Variants in CNTD1 observed in about 807,000 individuals in gnomAD.
CNTD1 encodes the protein cyclin N-terminal domain containing 1.
In CNTD1, 17 loss-of-function variants were observed where a neutral mutation model predicts 36.3. The observed-to-expected ratio is 0.47, with a 90% CI of 0.32 to 0.70. The LOEUF (loss-of-function observed/expected upper bound fraction) is 0.70. Ranked by LOEUF, CNTD1 falls within the 30% of genes least tolerant of loss-of-function variation. The probability of loss-of-function intolerance (pLI) is 0.03; values close to 1 mark genes in which losing one functional copy is unlikely to be tolerated. For synonymous variants in CNTD1, 128 were observed against 153.3 expected, an observed-to-expected ratio of 0.83 and a Z score of 1.22; for missense variants, 338 against 386.1, an observed-to-expected ratio of 0.88 and a Z score of 1.04.
intron 3 of CNTD1, among the ~76,000 whole-genome samples, chr17:42,804,991 G>A (rs1022516833): frequency 6.6e-6 from 1 of 152,020 alleles, no homozygotes; most frequent in African/African-American, 2.4e-5. Context: ...ATAGCCTGAA[G>A]TTCTGTTCCC....
At chr17:42,807,909 C>T (rs1413994833) in intron 6 of CNTD1, 45 bp downstream of exon 6, 1 of 1,417,082 alleles carries the variant, frequency 7.1e-7, no homozygotes, top group Non-Finnish European at 1.0e-6. Flanking sequence ...ATTCATTTAA[C>T]AGAAAGCATT....
intron 3 of CNTD1, 88 bp downstream of exon 3, chr17:42,804,484 A>G: frequency 9.2e-7 from 1 of 1,089,228 alleles, no homozygotes; most frequent in Non-Finnish European, 1.3e-6. Flanking sequence ...GCTTCAAGTC[A>G]GTGACAAGAA....
Position 42,799,110 on chromosome 17 carries a change from T to A in CNTD1, c.43T>A (p.Phe15Ile), listed in dbSNP as rs758586396. 1 of 1,613,992 alleles carries A rather than the reference T, an allele frequency of 6.2e-7. No homozygotes were observed. The change falls in exon 1 of 7, where the codon TTT becomes ATT. Residue 15 changes from phenylalanine to isoleucine, a missense_variant. Physicochemically the swap from Phe to Ile is conservative, Grantham distance 21 (BLOSUM62 0). Transcript: ENST00000588408. ...MRPRSASLVD[F>I]QFGVVATETI... ...GCCACGATCGGCCTCCCTCGTTGAC[T>A]TTCAGTTTGGAGTTGTCGCCACAGA...
chr17:42,809,313 TA>T, intron 6 of CNTD1, 51 bp from the exon 7 acceptor site: 1 of 1,509,302 alleles, frequency 6.6e-7, no homozygotes, highest in Non-Finnish European at 9.1e-7. Flanking sequence ...GTTTGTGCAC[TA>T]AAATGTGTTG....
rs147793201 is a variant in CNTD1, at chr17:42,806,004, G to C, written c.580+120G>C. The C allele has an allele frequency of 4.5e-6, 4 of 887,826 alleles. No homozygotes were observed. In the African/African-American group the frequency reaches 6.9e-5, roughly 15 times the overall value. The allele number at this position is 887,826 out of a possible 1,614,324, so 55.0% of individuals were successfully genotyped here. A position where few individuals can be genotyped will look rare whatever the true frequency, so the allele number is the denominator to read the frequency against. On this transcript the variant is annotated intron_variant, in intron 4 of 6. Coordinates refer to ENST00000588408, the MANE Select transcript of CNTD1 (RefSeq NM_173478.3). ...GCACTTTGGGAGGCTGAGGTAGGTG[G>C]ATCACTTGAGGCCAGGAGTTCAAGA...
At chr17:42,800,057 C>T (rs1205967987) in intron 1 of CNTD1, among the ~76,000 whole-genome samples, 3 of 122,702 alleles carry the variant, frequency 2.4e-5, no homozygotes, top group African/African-American at 6.6e-5. Flanking sequence ...GGTGACAGAG[C>T]GAGACTCTGT....
Position 42,799,225 on chromosome 17 carries a change from C to T in CNTD1, c.158C>T (p.Pro53Leu). 1 of 1,613,434 alleles carries T rather than the reference C, an allele frequency of 6.2e-7. No homozygotes were observed. The highest frequency in any genetic ancestry group is 8.5e-7 in the Non-Finnish European group (1 of 1,179,768). Reference protein sequence around the residue: ...ASGRLGRFREPQIVEFVFLLS... With the variant: ...ASGRLGRFRELQIVEFVFLLS... ...GGGCGGCTGGGCCGCTTCAGGGAGC[C>T]CCAGATCGTGGGTGCGGCTGCAGGG... Residue 53 changes from proline to leucine, a missense_variant, in exon 1 of 7, where the codon CCC becomes CTC. Coordinates refer to ENST00000588408, the MANE Select transcript of CNTD1 (RefSeq NM_173478.3).
chr17:42,803,474 C>T, intron 1 of CNTD1, 146 bp from the exon 2 acceptor site: 1 of 630,696 alleles, frequency 1.6e-6, no homozygotes, highest in Non-Finnish European at 2.8e-6. Flanking sequence ...AGAAACTAAG[C>T]TCAGCTTTGG....
At chr17:42,801,554 G>A (rs56272876) in intron 1 of CNTD1, among the ~76,000 whole-genome samples, 846 of 27,454 alleles carry the variant, frequency 0.031, 5 homozygotes, top group Non-Finnish European at 0.048. Flanking sequence ...TATAATATAT[G>A]TGTGTGTGTG....
At chr17:42,801,601 G>T (rs1350911818) in intron 1 of CNTD1, among the ~76,000 whole-genome samples, 2 of 135,354 alleles carry the variant, frequency 1.5e-5, no homozygotes, top group African/African-American at 5.4e-5. Flanking sequence ...CTTTAGTTTT[G>T]GATCTGCTGA....
intron 3 of CNTD1, among the ~76,000 whole-genome samples, chr17:42,805,049 T>TC (rs146189056): frequency 0.02 from 2,994 of 151,882 alleles, 90 homozygotes; most frequent in African/African-American, 0.068. Context: ...TCACCTTTCC[T>TC]CCCCCCTTGG....
intron 3 of CNTD1, among the ~76,000 whole-genome samples, chr17:42,804,982 T>A (rs1268209224): frequency 6.6e-6 from 1 of 152,082 alleles, no homozygotes; most frequent in African/African-American, 2.4e-5. Flanking sequence ...AGTTATTAAA[T>A]AGCCTGAAGT....
At chr17:42,798,788 G>C, upstream of CNTD1, 1 of 1,465,082 alleles carries the variant, frequency 6.8e-7, no homozygotes, top group Non-Finnish European at 9.0e-7. Flanking sequence ...GCCCTTTGCG[G>C]GGCAGAGCCG....
Position 42,798,969 on chromosome 17 carries a change from AC to A in CNTD1, c.-98del. 6.7e-7 allele frequency: 1 copy of A among 1,503,528 alleles called. No homozygotes were observed. Among genetic ancestry groups the A allele is most frequent in the East Asian group, 2.4e-5 (1 of 41,246 alleles). The allele number at this position is 1,503,528 out of a possible 1,614,324, so 93.1% of individuals were successfully genotyped here. On this transcript the variant is annotated 5_prime_UTR_variant, in exon 1 of 7. Coordinates refer to ENST00000588408, the MANE Select transcript of CNTD1 (RefSeq NM_173478.3). ...GCGACGACACACTCATTGGAAGGGG[AC>A]GAGGAATCCAGGGTGTGGCAGAAGA...
At position 42,806,812 on chromosome 17, in the gene CNTD1, T is replaced by C. The variant is rs140948221; in HGVS notation, c.719T>C (p.Leu240Pro). The C allele has an allele frequency of 2.7e-4, 442 of 1,614,088 alleles. No homozygotes were observed. The Middle Eastern group carries it at 5.6e-3, about 20-fold the overall frequency. ...ASIENSTPSQ[L>P]QGEKFTSVKE... ...ATTGAGAACTCCACTCCCAGTCAGCTGCAAGGGTAAGACAACTCCTATAGG... is the reference window on the plus strand; with the variant it reads ...ATTGAGAACTCCACTCCCAGTCAGCCGCAAGGGTAAGACAACTCCTATAGG... The change falls in exon 5 of 7, where the codon CTG (leucine) becomes CCG (proline). Residue 240 changes from leucine to proline, a missense_variant. Transcript: ENST00000588408.
chr17:42,805,675 T>A (rs2054867311), intron 3 of CNTD1, 47 bp from the exon 4 acceptor site: 1 of 1,549,410 alleles, frequency 6.5e-7, no homozygotes, highest in Admixed American at 1.8e-5. Context: ...TCAAGACGTA[T>A]GAACTTTATC....
In CNTD1 at chr17:42,810,862, G is replaced by C. The variant is rs1268599477; in HGVS notation, c.*1327G>C. The C allele has an allele frequency of 2.5e-6, 4 of 1,613,328 alleles. No individual in the cohort carries two copies. Among genetic ancestry groups the C allele is most frequent in the Non-Finnish European group, 3.4e-6 (4 of 1,179,736 alleles). On this transcript the variant is annotated 3_prime_UTR_variant, in exon 7 of 7. Coordinates refer to ENST00000588408, the MANE Select transcript of CNTD1 (RefSeq NM_173478.3). The stretch of plus-strand genomic sequence containing the variant: ...TCCACTGCTCCTCAGAGTTAAACTG[G>C]GTTTTGATGGAATAGGAGCCGCCAC...
intron 5 of CNTD1, 141 bp from the exon 6 acceptor site, chr17:42,807,627 A>G: frequency 1.5e-6 from 1 of 645,904 alleles, no homozygotes; most frequent in East Asian, 2.7e-5. Context: ...TCAATGAGCT[A>G]TTACTTGACC....
chr17:42,807,799 A>G lies in CNTD1; in HGVS notation c.757A>G (p.Met253Val). 1 of 1,614,158 alleles carries G rather than the reference A, an allele frequency of 6.2e-7. No homozygotes were observed. The highest frequency in any genetic ancestry group is 8.5e-7 in the Non-Finnish European group (1 of 1,179,986). ...EKFTSVKEDF[M>V]LLAVGIIAAS... The stretch of plus-strand genomic sequence containing the variant: ...GTTTACTTCAGTGAAGGAAGACTTC[A>G]TGCTGTTGGCAGTAGGAATCATTGC... The change falls in exon 6 of 7, where the codon ATG (methionine) becomes GTG (valine). Residue 253 changes from methionine to valine, a missense_variant. Coordinates refer to ENST00000588408, the MANE Select transcript of CNTD1 (RefSeq NM_173478.3).
Sources: gnomAD v4.1 joint callset for allele counts (sites outside exome capture counted in the v4.1 genomes callset) on GRCh38, gnomAD v4.1.1 for gene constraint, MANE v1.5 for transcripts, NCBI Gene and HGNC (gene_info 2026-07-23, HGNC 2026-07-21) for gene names.